Variants in KIF21A observed in about 807,000 individuals in gnomAD.
KIF21A encodes the protein kinesin family member 21A, also known as kinesin-like protein KIF21A.
A neutral mutation model predicts 202.9 loss-of-function variants in KIF21A; 114 were observed. The observed-to-expected ratio is 0.56, with a 90% CI of 0.48 to 0.66. The LOEUF (loss-of-function observed/expected upper bound fraction) is 0.66, where lower values mean the gene tolerates loss of function less well. Among genes scored for constraint, KIF21A ranks in the 30% least tolerant of loss-of-function variants. The pLI is 0.00. For missense variants in KIF21A, 1,677 were observed against 1,994.9 expected, an observed-to-expected ratio of 0.84 and a Z score of 3.04; for synonymous variants, 667 against 670.8, an observed-to-expected ratio of 0.99 and a Z score of 0.09.
chr12:39,341,241 A>G, intron 14 of KIF21A, 147 bp from the exon 15 acceptor site: 1 of 758,422 alleles, frequency 1.3e-6, no homozygotes, highest in African/African-American at 1.8e-5. Flanking sequence ...ACCAACAACC[A>G]AAAGGTGAAT....
At chr12:39,355,540 T>TG (rs1374452425) in intron 10 of KIF21A, among the ~76,000 whole-genome samples, 2 of 151,212 alleles carry the variant, frequency 1.3e-5, no homozygotes, top group Admixed American at 6.6e-5. Context: ...GTGGTAAAGA[T>TG]GGGGTCAACG....
intron 1 of KIF21A, among the ~76,000 whole-genome samples, chr12:39,412,361 A>T (rs1953171697): frequency 6.6e-6 from 1 of 152,178 alleles, no homozygotes; most frequent in Non-Finnish European, 1.5e-5. Flanking sequence ...CCCATGATGA[A>T]TAACAAACTG....
chr12:39,364,073 T>A (rs113475371), intron 6 of KIF21A, among the ~76,000 whole-genome samples: 2,112 of 152,240 alleles, frequency 0.014, 21 homozygotes, highest in Non-Finnish European at 0.019. Context: ...ATTTAAAAAC[T>A]AGTCAAATTA....
At chr12:39,377,142 T>C (rs889873890) in intron 1 of KIF21A, among the ~76,000 whole-genome samples, 2 of 152,146 alleles carry the variant, frequency 1.3e-5, no homozygotes, top group Non-Finnish European at 2.9e-5. Flanking sequence ...GTAGTTCTTT[T>C]ACTTACACCT....
rs563902034 is a variant in KIF21A, at chr12:39,358,488, T to C, written c.1020-115A>G. 2.1e-4 allele frequency: 195 copies of C among 943,864 alleles called. 1 individual carries two copies. The African/African-American group carries it at 2.8e-3, about 14-fold the overall frequency. 58.5% of individuals were successfully genotyped at this position (943,864 alleles called of 1,614,324 possible). ...ATCTTCTCTTCAAGATACCAAAATATTGAGCAAATTTAAAAGCCCCTGTAC... is the reference window on the plus strand; with the variant it reads ...ATCTTCTCTTCAAGATACCAAAATACTGAGCAAATTTAAAAGCCCCTGTAC... On this transcript the variant is annotated intron_variant, in intron 7 of 37. Transcript: ENST00000361418.
At chr12:39,350,173 GA>G (rs1272853251) in intron 11 of KIF21A, among the ~76,000 whole-genome samples, 1 of 151,820 alleles carries the variant, frequency 6.6e-6, no homozygotes, top group Non-Finnish European at 1.5e-5. Flanking sequence ...GTTGTTTGAT[GA>G]GTTCTTATTA....
intron 1 of KIF21A, among the ~76,000 whole-genome samples, chr12:39,424,190 G>T (rs1954567690): frequency 6.6e-6 from 1 of 151,944 alleles, no homozygotes; most frequent in South Asian, 2.1e-4. Context: ...CCAACCAAAG[G>T]CAATGGCCAA....
In KIF21A at chr12:39,325,835, T is replaced by G. The variant is rs1002509968; in HGVS notation, c.3456+4A>C. Reference sequence around the variant, plus strand: ...GTTTACCTGATACTTTTAGTTCTCCTTACCTTGTTCTTAGGTTTCACTTCA... The same window carrying G: ...GTTTACCTGATACTTTTAGTTCTCCGTACCTTGTTCTTAGGTTTCACTTCA... On this transcript the variant is annotated splice_donor_region_variant and intron_variant, in intron 26 of 37. Coordinates refer to ENST00000361418, the MANE Select transcript of KIF21A (RefSeq NM_001173464.2). The G allele has an allele frequency of 1.2e-6, 2 of 1,603,734 alleles. No individual in the cohort carries two copies. Among genetic ancestry groups the G allele is most frequent in the Admixed American group, 1.7e-5 (1 of 59,992 alleles).
chr12:39,351,825 T>C lies in KIF21A; in HGVS notation c.1625A>G (p.Lys542Arg). Reference sequence around the variant, plus strand: ...TCTTTTCAACTTCTCTAAATCTTTTTTTGCTAGGTCTATAATTTCAATGGT... The same window carrying C: ...TCTTTTCAACTTCTCTAAATCTTTTCTTGCTAGGTCTATAATTTCAATGGT... Reference protein sequence around the residue: ...KETIEIIDLAKKDLEKLKRKE... With the variant: ...KETIEIIDLARKDLEKLKRKE... Residue 542 changes from lysine (K) to arginine (R), a missense_variant, in exon 11 of 38, where the codon AAA becomes AGA. Around this residue, in one of 3 missense-constraint regions of KIF21A, gnomAD observed 966 missense variants for 1,180.9 expected, o/e 0.82. Transcript: ENST00000361418. 2 of 1,604,654 alleles carry C rather than the reference T, an allele frequency of 1.2e-6. No individual in the cohort carries two copies.
chr12:39,372,953 T>G, intron 1 of KIF21A, among the ~76,000 whole-genome samples: 1 of 152,172 alleles, frequency 6.6e-6, no homozygotes, highest in East Asian at 1.9e-4. Context: ...CTATTCTCTC[T>G]GAAATACTTC....
In KIF21A at chr12:39,332,967, T is replaced by C. The variant is rs531435717; in HGVS notation, c.2628A>G (p.Thr876=). 3.2e-5 allele frequency: 52 copies of C among 1,614,182 alleles called. 1 individual carries two copies. The East Asian group carries it at 1.1e-3, about 33-fold the overall frequency. Residue 876 remains threonine, a synonymous_variant, in exon 19 of 38, where the codon ACA becomes ACG. Transcript: ENST00000361418. ...GAATTCTCATTTTCTGCTGGGCTCC[T>C]GTCCTTGATGCATCTGTTTCGACAG... is the stretch of plus-strand genomic sequence containing the variant. ...AAAVETDASR[T]GAQQKMRIPV...
Position 39,337,184 on chromosome 12 carries a change from A to C in KIF21A, c.2330T>G (p.Met777Arg). ...KKTKVRLMKQ[M>R]KEEQEKARLT... is the part of the protein sequence containing the mutation. ...TCTGGCTTTCTCTTGTTCTTCTTTC[A>C]TTTGTTTCATTAGGCGAACCTAACC... Residue 777 changes from methionine (M) to arginine (R), a missense_variant, in exon 17 of 38, where the codon ATG becomes AGG. Around this residue, in one of 3 missense-constraint regions of KIF21A, gnomAD observed 966 missense variants for 1,180.9 expected, o/e 0.82. Transcript: ENST00000361418. 6.2e-7 allele frequency: 1 copy of C among 1,611,234 alleles called. No individual in the cohort carries two copies. The highest frequency in any genetic ancestry group is 2.2e-5 in the East Asian group (1 of 44,718).
chr12:39,339,614 G>A (rs988093121), intron 16 of KIF21A, among the ~76,000 whole-genome samples: 1 of 152,172 alleles, frequency 6.6e-6, no homozygotes, highest in Non-Finnish European at 1.5e-5. Flanking sequence ...TGACTTTCAT[G>A]AAAGATGTAA....
chr12:39,410,254 G>A (rs1272304873), intron 1 of KIF21A, among the ~76,000 whole-genome samples: 1 of 152,252 alleles, frequency 6.6e-6, no homozygotes, highest in South Asian at 2.1e-4. Flanking sequence ...CTTAGTTTTG[G>A]TCCAGTAAAA....
chr12:39,308,991 T>C (rs79721704), intron 33 of KIF21A, among the ~76,000 whole-genome samples: 10,352 of 152,174 alleles, frequency 0.068, 538 homozygotes, highest in South Asian at 0.29. Flanking sequence ...AAAAAATTCA[T>C]CAATATCACA....
At position 39,435,267 on chromosome 12, in the gene KIF21A, T is replaced by G. The variant is rs1007115198; in HGVS notation, c.44+7660A>C. On this transcript the variant is annotated intron_variant, in intron 1 of 37. Coordinates refer to ENST00000361418, the MANE Select transcript of KIF21A (RefSeq NM_001173464.2). ...CAGTCTGGGAACTCAGATATCTACT[T>G]GTCTCAAGTCAATAATCCAATGTCC... is the stretch of plus-strand genomic sequence containing the variant. Among the ~76,000 whole-genome samples, 43 of 152,218 alleles carry G rather than the reference T, an allele frequency of 2.8e-4. 1 individual carries two copies. Among genetic ancestry groups the G allele is most frequent in the African/African-American group, 1.0e-3 (43 of 41,460 alleles).
At chr12:39,367,812 A>G (rs1949699493) in intron 4 of KIF21A, 71 bp downstream of exon 4, 2 of 1,171,242 alleles carry the variant, frequency 1.7e-6, no homozygotes, top group East Asian at 4.7e-5. Flanking sequence ...GATCTTAAGC[A>G]GATTATCAGC....
At chr12:39,356,604 T>C (rs893623057) in intron 10 of KIF21A, 9 of 388,452 alleles carry the variant, frequency 2.3e-5, no homozygotes, top group East Asian at 9.6e-5. Context: ...TATTGGGACA[T>C]AGCAGTAAGA....
intron 36 of KIF21A, among the ~76,000 whole-genome samples, chr12:39,302,479 T>C (rs1016539281): frequency 6.6e-6 from 1 of 152,212 alleles, no homozygotes; most frequent in Non-Finnish European, 1.5e-5. Flanking sequence ...GACAGCAATA[T>C]TTGAATTTAT....
Sources: gnomAD v4.1 joint callset for allele counts (sites outside exome capture counted in the v4.1 genomes callset) on GRCh38, gnomAD v4.1.1 for gene constraint, gnomAD v4.1.1 regional missense constraint, MANE v1.5 for transcripts, NCBI Gene and HGNC (gene_info 2026-07-23, HGNC 2026-07-21) for gene names.